IGF2BP2: variants seen among roughly 807,000 people sequenced by gnomAD.
IGF2BP2 encodes insulin-like growth factor 2 mRNA-binding protein 2.
IGF2BP2 carries 17 observed loss-of-function variants against 75.8 expected under a neutral mutation model. The observed-to-expected ratio is 0.22, with a 90% CI of 0.15 to 0.34. IGF2BP2 has a LOEUF of 0.34. Among genes scored for constraint, IGF2BP2 ranks in the 10% least tolerant of loss-of-function variants. IGF2BP2 has a pLI of 1.00. For missense variants in IGF2BP2, 516 were observed against 772.4 expected, an observed-to-expected ratio of 0.67 and a Z score of 3.93; for synonymous variants, 288 against 295.6, an observed-to-expected ratio of 0.97 and a Z score of 0.26.
chr3:185,737,654 T>C (rs1435993924), intron 2 of IGF2BP2, among the ~76,000 whole-genome samples: 1 of 152,232 alleles, frequency 6.6e-6, no homozygotes, highest in Non-Finnish European at 1.5e-5. Context: ...TTCTATACAT[T>C]GAGTGCTTTA....
At chr3:185,665,005 G>T (rs77811046) in intron 10 of IGF2BP2, among the ~76,000 whole-genome samples, 3 of 149,674 alleles carry the variant, frequency 2.0e-5, no homozygotes, top group Admixed American at 6.7e-5. Flanking sequence ...TATAGATACC[G>T]GGGGGGAAAA....
At chr3:185,761,920 G>A (rs759312636) in intron 2 of IGF2BP2, among the ~76,000 whole-genome samples, 2 of 152,204 alleles carry the variant, frequency 1.3e-5, no homozygotes, top group African/African-American at 2.4e-5. Flanking sequence ...TCTAGGGTCC[G>A]TGGTTACTTG....
intron 2 of IGF2BP2, among the ~76,000 whole-genome samples, chr3:185,752,631 C>T (rs2149641715): frequency 6.6e-6 from 1 of 152,150 alleles, no homozygotes; most frequent in Admixed American, 6.5e-5. Context: ...TCTCTGTCAC[C>T]CAGGCTGGAG....
intron 2 of IGF2BP2, among the ~76,000 whole-genome samples, chr3:185,763,470 T>C (rs1481451500): frequency 6.6e-6 from 1 of 152,210 alleles, no homozygotes; most frequent in Non-Finnish European, 1.5e-5. Context: ...TGTTTATGTT[T>C]GTTACTATGG....
intron 2 of IGF2BP2, among the ~76,000 whole-genome samples, chr3:185,739,645 AG>A (rs1729282922): frequency 6.6e-6 from 1 of 152,102 alleles, no homozygotes; most frequent in African/African-American, 2.4e-5. Context: ...GGCTATGACC[AG>A]GAGTCCAGGT....
At chr3:185,731,618 G>C (rs1728191463) in intron 2 of IGF2BP2, among the ~76,000 whole-genome samples, 1 of 152,136 alleles carries the variant, frequency 6.6e-6, no homozygotes, top group Non-Finnish European at 1.5e-5. Flanking sequence ...AGACTTCTCG[G>C]CAAGTAAGTT....
At position 185,666,494 on chromosome 3, in the gene IGF2BP2, C is replaced by T. The variant is rs555920899; in HGVS notation, c.1200+6047G>A. ...ACTAAAAATACAAAAATTAGCCGAACGTGGTGGTGGGCATCTGTAATCCCA... is the reference window on the plus strand; with the variant it reads ...ACTAAAAATACAAAAATTAGCCGAATGTGGTGGTGGGCATCTGTAATCCCA... On this transcript the variant is annotated intron_variant, in intron 10 of 15. Transcript: ENST00000382199. Among the ~76,000 whole-genome samples the T allele has an allele frequency of 2.4e-3, 370 of 152,162 alleles. 2 individuals are homozygous for T. The highest frequency in any genetic ancestry group is 7.8e-3 in the African/African-American group (325 of 41,506).
intron 2 of IGF2BP2, among the ~76,000 whole-genome samples, chr3:185,799,137 C>T (rs1008574711): frequency 2.6e-5 from 4 of 151,892 alleles, no homozygotes; most frequent in Admixed American, 6.6e-5. Context: ...CAGTGGCTCA[C>T]GCCTGTAATC....
chr3:185,800,708 G>GAC (rs1738094001), intron 2 of IGF2BP2, among the ~76,000 whole-genome samples: 1 of 69,330 alleles, frequency 1.4e-5, no homozygotes, highest in African/African-American at 8.1e-5. Flanking sequence ...CTTGGTGACT[G>GAC]AGCCAAAAAA....
At chr3:185,706,673 G>C (rs1022891384) in intron 2 of IGF2BP2, among the ~76,000 whole-genome samples, 2 of 151,760 alleles carry the variant, frequency 1.3e-5, no homozygotes, top group Non-Finnish European at 2.9e-5. Flanking sequence ...TAGCATGCTT[G>C]TTTACAGATT....
chr3:185,661,474 C>G lies in IGF2BP2; in HGVS notation c.1201-3065G>C, dbSNP rs148607013. ...CAACATGGCGAAACCCCATCGCTAG[C>G]AAAAATACAAAAATTAGCCGGGCGT... On this transcript the variant is annotated intron_variant, in intron 10 of 15. Coordinates refer to ENST00000382199, the MANE Select transcript of IGF2BP2 (RefSeq NM_006548.6). Among the ~76,000 whole-genome samples, 573 of 151,704 alleles carry G rather than the reference C, an allele frequency of 3.8e-3. 2 individuals are homozygous for G. Among genetic ancestry groups the G allele is most frequent in the African/African-American group, 0.013 (545 of 41,368 alleles).
chr3:185,714,408 A>G (rs1462752872), intron 2 of IGF2BP2, among the ~76,000 whole-genome samples: 1 of 152,090 alleles, frequency 6.6e-6, no homozygotes, highest in East Asian at 1.9e-4. Flanking sequence ...CATCCATCTC[A>G]CTTTGCACGT....
rs565752070 is a variant in IGF2BP2, at chr3:185,730,456, C to T, written c.240-32109G>A. On this transcript the variant is annotated intron_variant, in intron 2 of 15. Coordinates refer to ENST00000382199, the MANE Select transcript of IGF2BP2 (RefSeq NM_006548.6). The stretch of plus-strand genomic sequence containing the variant: ...TTTTTTTTTTTTTTTTTTTTTGAGA[C>T]GGAGTTTGACTCTTGTTTCCCAGGC... Among the ~76,000 whole-genome samples the T allele has an allele frequency of 6.4e-5, 7 of 108,638 alleles. No homozygotes were observed. In the South Asian group the frequency reaches 1.9e-3, roughly 29 times the overall value. 71.3% of individuals were successfully genotyped at this position (108,638 alleles called of 152,430 possible). A position where few individuals can be genotyped will look rare whatever the true frequency, so the allele number is the denominator to read the frequency against.
At chr3:185,743,111 A>C (rs1286257388) in intron 2 of IGF2BP2, among the ~76,000 whole-genome samples, 1 of 152,100 alleles carries the variant, frequency 6.6e-6, no homozygotes, top group African/African-American at 2.4e-5. Flanking sequence ...TAAATAAACA[A>C]ACAAACAAAC....
intron 2 of IGF2BP2, among the ~76,000 whole-genome samples, chr3:185,734,949 C>G (rs1300790807): frequency 6.6e-6 from 1 of 152,176 alleles, no homozygotes; most frequent in African/African-American, 2.4e-5. Context: ...CAGCAGCTCC[C>G]TCACACTGTA....
At chr3:185,785,258 G>C (rs142160549) in intron 2 of IGF2BP2, among the ~76,000 whole-genome samples, 1 of 145,068 alleles carries the variant, frequency 6.9e-6, no homozygotes. Context: ...CCGAGATCAC[G>C]CCACTGCACT....
chr3:185,689,776 G>A lies in IGF2BP2; in HGVS notation c.405-149C>T, dbSNP rs964508198. ...GAGGTCAGGAGATCGAGACCATCCC[G>A]GCTAAAACGGTGAAACCCCGTCTCT... On this transcript the variant is annotated intron_variant, in intron 5 of 15. Transcript: ENST00000382199. 5.9e-5 allele frequency: 49 copies of A among 835,814 alleles called. No individual in the cohort carries two copies. The East Asian group carries it at 1.1e-3, about 19-fold the overall frequency. 51.8% of individuals were successfully genotyped at this position (835,814 alleles called of 1,614,324 possible). A position where few individuals can be genotyped will look rare whatever the true frequency, so the allele number is the denominator to read the frequency against.
intron 2 of IGF2BP2, among the ~76,000 whole-genome samples, chr3:185,757,180 T>C (rs188623211): frequency 6.6e-6 from 1 of 152,202 alleles, no homozygotes; most frequent in African/African-American, 2.4e-5. Context: ...TCTTCTCCTC[T>C]TCCTTGAATT....
intron 2 of IGF2BP2, among the ~76,000 whole-genome samples, chr3:185,792,206 G>C (rs1210170014): frequency 6.6e-6 from 1 of 152,100 alleles, no homozygotes; most frequent in Non-Finnish European, 1.5e-5. Flanking sequence ...TTACTTAATG[G>C]GTTCAGGTAC....
Sources: gnomAD v4.1 joint callset for allele counts (sites outside exome capture counted in the v4.1 genomes callset) on GRCh38, gnomAD v4.1.1 for gene constraint, MANE v1.5 for transcripts, NCBI Gene and HGNC (gene_info 2026-07-23, HGNC 2026-07-21) for gene names.